Variants in SH3RF3 observed in about 807,000 individuals in gnomAD.
The protein encoded by SH3RF3 is SH3 domain containing ring finger 3.
SH3RF3 carries 29 observed loss-of-function variants against 66.3 expected under a neutral mutation model. That is an observed-to-expected ratio of 0.44 (90% confidence interval 0.33 to 0.60). The LOEUF is 0.60. Among genes scored for constraint, SH3RF3 ranks in the 20% least tolerant of loss-of-function variants. SH3RF3 has a pLI of 0.04. For synonymous variants in SH3RF3, 583 were observed against 532.0 expected (o/e 1.10, Z -1.32); for missense variants, 1,194 against 1,190.9 (o/e 1.00, Z -0.04).
intron 1 of SH3RF3, among the ~76,000 whole-genome samples, chr2:109,259,795 T>A (rs995714728): frequency 1.3e-5 from 2 of 152,232 alleles, no homozygotes; most frequent in African/African-American, 4.8e-5. Context: ...ACAAGTTTCC[T>A]TGACATCTCT....
At chr2:109,496,083 C>T (rs1013317357) in intron 9 of SH3RF3, among the ~76,000 whole-genome samples, 1 of 152,172 alleles carries the variant, frequency 6.6e-6, no homozygotes, top group Admixed American at 6.5e-5. Context: ...AGCTTTTATT[C>T]CCTTATTTGT....
intron 8 of SH3RF3, among the ~76,000 whole-genome samples, chr2:109,467,395 G>C (rs1678381655): frequency 6.6e-6 from 1 of 152,248 alleles, no homozygotes; most frequent in South Asian, 2.1e-4. Flanking sequence ...AGCCACTGGA[G>C]GGTCCCGTGT....
rs538854924 is a variant in SH3RF3, at chr2:109,338,432, C to CT, written c.574-9229dup. ...CATTTGAGCCAGATTCTTAGGGAAACTTTTTTTTTTTTTACATGCTCACAG... is the reference window on the plus strand; with the variant it reads ...CATTTGAGCCAGATTCTTAGGGAAACTTTTTTTTTTTTTTACATGCTCACAG... On this transcript the variant is annotated intron_variant, in intron 1 of 9. Transcript: ENST00000309415. Among the ~76,000 whole-genome samples the CT allele has an allele frequency of 6.5e-3, 947 of 145,860 alleles. 12 individuals are homozygous for CT. Among genetic ancestry groups the CT allele is most frequent in the African/African-American group, 0.02 (805 of 39,962 alleles).
At chr2:109,370,744 C>A (rs1332875677) in intron 2 of SH3RF3, among the ~76,000 whole-genome samples, 5 of 152,182 alleles carry the variant, frequency 3.3e-5, no homozygotes, top group South Asian at 4.1e-4. Flanking sequence ...CTCAACCCCC[C>A]CGAAAGCCCG....
chr2:109,443,122 T>C (rs776021448), intron 7 of SH3RF3, among the ~76,000 whole-genome samples: 6 of 152,250 alleles, frequency 3.9e-5, no homozygotes, highest in Non-Finnish European at 7.3e-5. Context: ...TAGGTGAAAT[T>C]GTGTGTGGCA....
chr2:109,459,725 G>A (rs1440234978), intron 8 of SH3RF3, among the ~76,000 whole-genome samples: 1 of 152,138 alleles, frequency 6.6e-6, no homozygotes, highest in Admixed American at 6.5e-5. Flanking sequence ...CCAGCTCAAT[G>A]GAATCATTGT....
At chr2:109,436,323 C>A (rs1490003953) in intron 6 of SH3RF3, among the ~76,000 whole-genome samples, 1 of 152,184 alleles carries the variant, frequency 6.6e-6, no homozygotes, top group Non-Finnish European at 1.5e-5. Context: ...CCAGAGTGTT[C>A]CTCTTGTGTG....
chr2:109,271,574 G>A (rs565256030), intron 1 of SH3RF3, among the ~76,000 whole-genome samples: 3 of 152,326 alleles, frequency 2.0e-5, no homozygotes, highest in Admixed American at 1.3e-4. Context: ...TGTAACTATG[G>A]CATCCCAGCC....
At chr2:109,221,102 A>G (rs1351774387) in intron 1 of SH3RF3, among the ~76,000 whole-genome samples, 2 of 152,258 alleles carry the variant, frequency 1.3e-5, no homozygotes, top group Admixed American at 6.5e-5. Flanking sequence ...CACGTGCTGC[A>G]TGGATGAACT....
At chr2:109,353,605 G>C (rs914605841) in intron 2 of SH3RF3, among the ~76,000 whole-genome samples, 9 of 152,164 alleles carry the variant, frequency 5.9e-5, no homozygotes, top group Admixed American at 2.0e-4. Flanking sequence ...TGGCAGGCCT[G>C]CTGGGTGAGA....
chr2:109,275,975 G>A (rs1195487243), intron 1 of SH3RF3, among the ~76,000 whole-genome samples: 3 of 152,206 alleles, frequency 2.0e-5, no homozygotes, highest in African/African-American at 4.8e-5. Flanking sequence ...GCAGCTGGGT[G>A]AGGGGAGACG....
intron 8 of SH3RF3, among the ~76,000 whole-genome samples, chr2:109,486,987 T>C (rs992846653): frequency 2.0e-4 from 30 of 152,036 alleles, no homozygotes; most frequent in African/African-American, 7.3e-4. Flanking sequence ...AGAAGGGTCA[T>C]TGGAATGGAA....
intron 2 of SH3RF3, among the ~76,000 whole-genome samples, chr2:109,359,987 C>T (rs1683022270): frequency 6.6e-6 from 1 of 151,766 alleles, no homozygotes; most frequent in African/African-American, 2.4e-5. Context: ...TTTTAAAAGC[C>T]ATCCAGCAGA....
At chr2:109,491,708 G>A (rs908624491) in intron 9 of SH3RF3, among the ~76,000 whole-genome samples, 5 of 152,170 alleles carry the variant, frequency 3.3e-5, no homozygotes, top group African/African-American at 9.7e-5. Flanking sequence ...AGAGAGATAC[G>A]ATGGCTGTCA....
At chr2:109,369,339 C>A (rs754865048) in intron 2 of SH3RF3, among the ~76,000 whole-genome samples, 1 of 152,054 alleles carries the variant, frequency 6.6e-6, no homozygotes, top group Non-Finnish European at 1.5e-5. Flanking sequence ...CAGCACAAGA[C>A]TCCGTCTAAA....
intron 1 of SH3RF3, among the ~76,000 whole-genome samples, chr2:109,142,048 G>GT (rs987572788): frequency 6.6e-6 from 1 of 151,526 alleles, no homozygotes. Flanking sequence ...TCTCCTGGGG[G>GT]GGGGGTCTCA....
chr2:109,466,396 T>C (rs2104704744), intron 8 of SH3RF3, among the ~76,000 whole-genome samples: 1 of 152,292 alleles, frequency 6.6e-6, no homozygotes, highest in South Asian at 2.1e-4. Flanking sequence ...TCTTTTTTAA[T>C]GAGATGTCTG....
At chr2:109,280,727 A>T (rs1015184034) in intron 1 of SH3RF3, among the ~76,000 whole-genome samples, 1 of 152,330 alleles carries the variant, frequency 6.6e-6, no homozygotes, top group East Asian at 1.9e-4. Flanking sequence ...GACGTTGGAA[A>T]TGGGGCTCAC....
chr2:109,313,718 G>A (rs914755511), intron 1 of SH3RF3: 26 of 154,956 alleles, frequency 1.7e-4, no homozygotes, highest in African/African-American at 6.3e-4. Flanking sequence ...TGTAGGTGAT[G>A]GCATGTGCCT....
Sources: gnomAD v4.1 joint callset for allele counts (sites outside exome capture counted in the v4.1 genomes callset) on GRCh38, gnomAD v4.1.1 for gene constraint, MANE v1.5 for transcripts, NCBI Gene and HGNC (gene_info 2026-07-23, HGNC 2026-07-21) for gene names.